Variants in SLC8A1 observed in about 807,000 individuals in gnomAD.
SLC8A1 encodes the protein solute carrier family 8 member A1.
SLC8A1 carries 18 observed loss-of-function variants against 68.3 expected under a neutral mutation model. The ratio of observed to expected loss-of-function variants is 0.26; its 90% CI spans 0.18 to 0.39. The LOEUF (loss-of-function observed/expected upper bound fraction) is 0.39, where lower values mean the gene tolerates loss of function less well. Among genes scored for constraint, SLC8A1 ranks in the 10% least tolerant of loss-of-function variants. SLC8A1 has a pLI of 1.00. For synonymous variants in SLC8A1, 475 were observed against 415.5 expected, an observed-to-expected ratio of 1.14 and a Z score of -1.74; for missense variants, 985 against 1,156.7, an observed-to-expected ratio of 0.85 and a Z score of 2.15.
chr2:40,340,782 G>A (rs1303121801), intron 2 of SLC8A1, among the ~76,000 whole-genome samples: 6 of 152,110 alleles, frequency 3.9e-5, no homozygotes, highest in Non-Finnish European at 5.9e-5. Context: ...TAAGGAAAAC[G>A]GAAATTCATC....
chr2:40,285,017 A>C (rs2068090423), intron 2 of SLC8A1, among the ~76,000 whole-genome samples: 1 of 152,204 alleles, frequency 6.6e-6, no homozygotes, highest in Admixed American at 6.5e-5. Flanking sequence ...TATAAGTCAT[A>C]GAATACAGCC....
At chr2:40,102,151 C>G (rs1200345520) in exon 8 of SLC8A1, 1 of 152,002 alleles carries the variant, frequency 6.6e-6, no homozygotes, top group African/African-American at 2.4e-5. Context: ...TACAGCAAAC[C>G]TATAAGTAAA....
Position 40,194,908 on chromosome 2 carries a change from A to C in SLC8A1, c.1809-17053T>G, listed in dbSNP as rs79314113. ...CAAAGATGGAAGGTCCATTCCGAAGAAACAAAACACAGAACCCAGAAAATA... is the reference window on the plus strand; with the variant it reads ...CAAAGATGGAAGGTCCATTCCGAAGCAACAAAACACAGAACCCAGAAAATA... On this transcript the variant is annotated intron_variant, in intron 2 of 7. Coordinates refer to ENST00000406785, the Ensembl canonical transcript of SLC8A1. Among the ~76,000 whole-genome samples, 469 of 152,230 alleles carry C rather than the reference A, an allele frequency of 3.1e-3. 9 individuals carry two copies. In the East Asian group the frequency reaches 0.031, roughly 10 times the overall value.
chr2:40,266,328 G>T (rs887407497), intron 2 of SLC8A1, among the ~76,000 whole-genome samples: 1 of 152,122 alleles, frequency 6.6e-6, no homozygotes, highest in East Asian at 1.9e-4. Context: ...CTAGGGTAAA[G>T]TTCACATTTT....
intron 1 of SLC8A1, among the ~76,000 whole-genome samples, chr2:40,438,043 T>C (rs78990465): frequency 0.049 from 7,505 of 152,132 alleles, 341 homozygotes; most frequent in East Asian, 0.24. Context: ...TTAACGTACC[T>C]TGAGTCTTGA....
intron 2 of SLC8A1, among the ~76,000 whole-genome samples, chr2:40,398,340 T>A (rs1039554658): frequency 1.3e-5 from 2 of 152,198 alleles, no homozygotes; most frequent in Non-Finnish European, 2.9e-5. Context: ...GCGTGTATCA[T>A]ATCTAGATCC....
intron 7 of SLC8A1, among the ~76,000 whole-genome samples, chr2:40,126,315 G>A (rs1247128959): frequency 6.6e-6 from 1 of 152,134 alleles, no homozygotes; most frequent in Non-Finnish European, 1.5e-5. Flanking sequence ...CATTTTTTAT[G>A]TGTGTGTGTT....
chr2:40,120,957 G>A (rs1419754407), intron 7 of SLC8A1, among the ~76,000 whole-genome samples: 1 of 152,212 alleles, frequency 6.6e-6, no homozygotes, highest in East Asian at 1.9e-4. Context: ...CTTAAAAAAT[G>A]TAGGTTTGGG....
At chr2:40,261,332 T>C (rs2064672709) in intron 2 of SLC8A1, among the ~76,000 whole-genome samples, 1 of 152,186 alleles carries the variant, frequency 6.6e-6, no homozygotes, top group African/African-American at 2.4e-5. Flanking sequence ...TCTTTTCAGA[T>C]TCTCTTTCTT....
intron 2 of SLC8A1, among the ~76,000 whole-genome samples, chr2:40,418,979 ACT>A (rs1354915001): frequency 1.3e-5 from 2 of 152,210 alleles, no homozygotes; most frequent in Non-Finnish European, 2.9e-5. Flanking sequence ...ATCAGGTGGC[ACT>A]GAGAGAAGGA....
chr2:40,344,987 C>T (rs954812423), intron 2 of SLC8A1, among the ~76,000 whole-genome samples: 14 of 150,262 alleles, frequency 9.3e-5, no homozygotes, highest in Non-Finnish European at 2.9e-5. Flanking sequence ...AATCATCTTC[C>T]GTATTTTGTT....
intron 1 of SLC8A1, among the ~76,000 whole-genome samples, chr2:40,461,900 GTTGAT>G (rs1390612673): frequency 6.7e-6 from 1 of 149,952 alleles, no homozygotes; most frequent in Non-Finnish European, 1.5e-5. Flanking sequence ...GAAATCTAGT[GTTGAT>G]TTAACAGTAC....
chr2:40,179,255 A>G (rs1356067565), intron 2 of SLC8A1, among the ~76,000 whole-genome samples: 2 of 152,196 alleles, frequency 1.3e-5, no homozygotes, highest in African/African-American at 2.4e-5. Flanking sequence ...ATTCTTCCAA[A>G]GTTGAGTTTT....
rs529549269 is a variant in SLC8A1, at chr2:40,275,528, G to C, written c.1809-97673C>G. 1.1e-3 allele frequency among the ~76,000 whole-genome samples: 166 copies of C among 152,356 alleles called. 1 individual carries two copies. Among genetic ancestry groups the C allele is most frequent in the African/African-American group, 3.4e-3 (142 of 41,586 alleles). ...GGTAGAGCCTGCGCTCATCACATTA[G>C]CAGGTTGTCCGGGAGGAACGCTGGG... On this transcript the variant is annotated intron_variant, in intron 2 of 7. Coordinates refer to ENST00000406785, the Ensembl canonical transcript of SLC8A1.
At chr2:40,501,969 T>A (rs769915057) in intron 1 of SLC8A1, among the ~76,000 whole-genome samples, 13 of 152,040 alleles carry the variant, frequency 8.6e-5, no homozygotes, top group Non-Finnish European at 1.5e-4. Flanking sequence ...CCATGAAGCA[T>A]CAAAGACTGT....
At chr2:40,443,863 C>A (rs1485036605) in intron 1 of SLC8A1, among the ~76,000 whole-genome samples, 1 of 152,156 alleles carries the variant, frequency 6.6e-6, no homozygotes, top group Non-Finnish European at 1.5e-5. Flanking sequence ...AACACCTGTC[C>A]ATCTGTGCAG....
At chr2:40,498,494 G>T (rs941664883) in intron 1 of SLC8A1, among the ~76,000 whole-genome samples, 3 of 152,058 alleles carry the variant, frequency 2.0e-5, no homozygotes, top group African/African-American at 7.2e-5. Flanking sequence ...AAGCTTTAGG[G>T]ATCTAAAACC....
chr2:40,345,891 G>A (rs1669088468), intron 2 of SLC8A1, among the ~76,000 whole-genome samples: 1 of 151,886 alleles, frequency 6.6e-6, no homozygotes, highest in Non-Finnish European at 1.5e-5. Flanking sequence ...AATACCTAAT[G>A]CACGCGGAGC....
intron 2 of SLC8A1, among the ~76,000 whole-genome samples, chr2:40,240,368 G>A (rs1023153374): frequency 2.3e-4 from 35 of 152,254 alleles, no homozygotes; most frequent in African/African-American, 8.2e-4. Context: ...AACCATTCAG[G>A]ATGTGATTGT....
Sources: allele counts gnomAD v4.1 joint callset (sites outside exome capture counted in the v4.1 genomes callset), GRCh38; gene constraint gnomAD v4.1.1; transcripts MANE v1.5; gene names NCBI Gene and HGNC (gene_info 2026-07-23, HGNC 2026-07-21).